EPB41L4A: variants seen among roughly 807,000 people sequenced by gnomAD.
EPB41L4A encodes erythrocyte membrane protein band 4.1 like 4A, also known as band 4.1-like protein 4A.
Under a neutral mutation model 108.6 loss-of-function variants are expected in EPB41L4A, and 100 were observed. The observed-to-expected ratio is 0.92, with a 90% CI of 0.78 to 1.09. The LOEUF (loss-of-function observed/expected upper bound fraction) is 1.09. Ranked by LOEUF, EPB41L4A falls within the 50% of genes least tolerant of loss-of-function variation. The probability of loss-of-function intolerance (pLI) is 0.00; values close to 1 mark genes in which losing one functional copy is unlikely to be tolerated. For synonymous variants in EPB41L4A, 319 were observed against 289.0 expected (o/e 1.10, Z -1.05); for missense variants, 1,030 against 842.7 (o/e 1.22, Z -2.75).
At chr5:112,254,658 T>C (rs1750940471) in intron 9 of EPB41L4A, among the ~76,000 whole-genome samples, 1 of 151,860 alleles carries the variant, frequency 6.6e-6, no homozygotes, top group Non-Finnish European at 1.5e-5. Flanking sequence ...CTACCCCACA[T>C]CTCCAGAGGG....
chr5:112,400,139 G>A (rs1761643140), intron 1 of EPB41L4A, among the ~76,000 whole-genome samples: 1 of 152,148 alleles, frequency 6.6e-6, no homozygotes, highest in Admixed American at 6.5e-5. Flanking sequence ...CATGGCCGAA[G>A]GTGAAGGAGA....
At chr5:112,359,027 C>T (rs1758543056) in intron 1 of EPB41L4A, among the ~76,000 whole-genome samples, 2 of 152,088 alleles carry the variant, frequency 1.3e-5, no homozygotes, top group Admixed American at 1.3e-4. Flanking sequence ...AGTAATTTAC[C>T]TCTGGGTAGG....
chr5:112,333,432 G>A (rs146771778), intron 1 of EPB41L4A, among the ~76,000 whole-genome samples: 12 of 152,336 alleles, frequency 7.9e-5, no homozygotes, highest in African/African-American at 2.9e-4. Flanking sequence ...GAAGGATAAT[G>A]ACTGTGACAC....
chr5:112,280,324 C>T lies in EPB41L4A; in HGVS notation c.205-1G>A. On this transcript the variant is annotated splice_acceptor_variant, in intron 2 of 22. Transcript: ENST00000261486. LOFTEE classifies it high-confidence loss of function. ...GGGTTTTTGCAGGATCCAGCCAATA[C>T]TGTGTGAGGAAGAAAAGGACAATTA... 12 of 1,613,638 alleles carry T rather than the reference C, an allele frequency of 7.4e-6. No homozygotes were observed. The highest frequency in any genetic ancestry group is 1.0e-5 in the Non-Finnish European group (12 of 1,179,570).
At chr5:112,170,535 G>A (rs770416513) in intron 19 of EPB41L4A, among the ~76,000 whole-genome samples, 166 bp from the exon 20 acceptor site, 1 of 152,098 alleles carries the variant, frequency 6.6e-6, no homozygotes, top group Admixed American at 6.5e-5. Context: ...AAAATAGGAG[G>A]GGTAAAACCT....
At chr5:112,150,179 C>T (rs529773308) in intron 12 of EPB41L4A, among the ~76,000 whole-genome samples, 39 of 152,130 alleles carry the variant, frequency 2.6e-4, no homozygotes, top group Admixed American at 2.6e-3. Context: ...GTCAGTGATA[C>T]TCCAAGTACT....
At chr5:112,286,866 G>GAA (rs35486822) in intron 2 of EPB41L4A, among the ~76,000 whole-genome samples, 1 of 142,848 alleles carries the variant, frequency 7.0e-6, no homozygotes, top group Non-Finnish European at 1.5e-5. Flanking sequence ...CTCTGGATGA[G>GAA]AAAAAAAAAA....
intron 1 of EPB41L4A, among the ~76,000 whole-genome samples, chr5:112,346,215 C>CCTTTTTTTT (rs1479210695): frequency 6.1e-5 from 3 of 49,042 alleles, no homozygotes; most frequent in Admixed American, 3.2e-4. Context: ...AGGTACATTG[C>CCTTTTTTTT]ATTTTTTTTT....
At chr5:112,290,982 C>T (rs1179651325) in intron 2 of EPB41L4A, among the ~76,000 whole-genome samples, 1 of 152,136 alleles carries the variant, frequency 6.6e-6, no homozygotes, top group African/African-American at 2.4e-5. Context: ...CCCTAAATGA[C>T]CTTATTTGGT....
chr5:112,282,870 A>C (rs1753057656), intron 2 of EPB41L4A, among the ~76,000 whole-genome samples: 1 of 152,096 alleles, frequency 6.6e-6, no homozygotes, highest in Non-Finnish European at 1.5e-5. Flanking sequence ...ATCCCAAAAG[A>C]CAACCTTTGT....
At position 112,164,944 on chromosome 5, in the gene EPB41L4A, T is replaced by A; in HGVS notation, c.*46A>T. 1.3e-6 allele frequency: 2 copies of A among 1,524,922 alleles called. No homozygotes were observed. The highest frequency in any genetic ancestry group is 1.8e-6 in the Non-Finnish European group (2 of 1,139,816). 94.5% of individuals were successfully genotyped at this position (1,524,922 alleles called of 1,614,324 possible). A position where few individuals can be genotyped will look rare whatever the true frequency, so the allele number is the denominator to read the frequency against. On this transcript the variant is annotated 3_prime_UTR_variant, in exon 23 of 23. Coordinates refer to ENST00000261486, the MANE Select transcript of EPB41L4A (RefSeq NM_022140.5). ...TATTTCACAGTTTCAAAAGTACCAGTGGCGCACACAACCTTCCCACCCCTA... is the reference window on the plus strand; with the variant it reads ...TATTTCACAGTTTCAAAAGTACCAGAGGCGCACACAACCTTCCCACCCCTA...
chr5:112,177,952 G>A (rs1760953542), intron 18 of EPB41L4A, among the ~76,000 whole-genome samples: 1 of 151,714 alleles, frequency 6.6e-6, no homozygotes, highest in African/African-American at 2.4e-5. Context: ...GAACAAGATG[G>A]TAGATTTATA....
intron 4 of EPB41L4A, 194 bp downstream of exon 4, chr5:112,275,132 T>G: frequency 1.7e-6 from 1 of 583,682 alleles, no homozygotes; most frequent in East Asian, 4.1e-5. Flanking sequence ...TTCACGCCAT[T>G]TTCAAACACA....
intron 1 of EPB41L4A, among the ~76,000 whole-genome samples, chr5:112,314,178 G>C (rs78010263): frequency 0.013 from 2,050 of 151,864 alleles, 43 homozygotes; most frequent in African/African-American, 0.047. Flanking sequence ...TTTCTAATCT[G>C]AATTATTCCT....
chr5:112,255,857 G>C (rs1228858116), intron 9 of EPB41L4A, among the ~76,000 whole-genome samples: 1 of 152,026 alleles, frequency 6.6e-6, no homozygotes, highest in African/African-American at 2.4e-5. Flanking sequence ...AATTCAACAT[G>C]TTCAAAACGG....
At chr5:112,199,193 C>A (rs943380017) in intron 15 of EPB41L4A, among the ~76,000 whole-genome samples, 3 of 152,192 alleles carry the variant, frequency 2.0e-5, no homozygotes, top group Non-Finnish European at 2.9e-5. Context: ...TAGTCTCATG[C>A]CTGGGAGATA....
At chr5:112,400,924 T>C (rs1761708232) in intron 1 of EPB41L4A, among the ~76,000 whole-genome samples, 1 of 152,210 alleles carries the variant, frequency 6.6e-6, no homozygotes, top group South Asian at 2.1e-4. Context: ...ACTGGCTCCC[T>C]ATTCCTTCTG....
intron 4 of EPB41L4A, among the ~76,000 whole-genome samples, chr5:112,266,649 G>T (rs994503407): frequency 2.0e-5 from 3 of 152,110 alleles, no homozygotes; most frequent in Admixed American, 1.3e-4. Context: ...TGCAAAACTG[G>T]AACAGTTGAC....
rs907217575 is a variant in EPB41L4A at position 112,329,088 on chromosome 5, C to T, written c.100-21598G>A. On this transcript the variant is annotated intron_variant, in intron 1 of 22. Transcript: ENST00000261486. ...TACGGTAGCCACTAGCCATGTGTGG[C>T]TGCTAAGTCCTTGAAATGCAGCTGG... Among the ~76,000 whole-genome samples, 3 of 152,190 alleles carry T rather than the reference C, an allele frequency of 2.0e-5. No homozygotes were observed. The East Asian group carries it at 5.8e-4, about 29-fold the overall frequency.
Sources: gnomAD v4.1 joint callset for allele counts (sites outside exome capture counted in the v4.1 genomes callset) on GRCh38, gnomAD v4.1.1 for gene constraint, MANE v1.5 for transcripts, NCBI Gene and HGNC (gene_info 2026-07-23, HGNC 2026-07-21) for gene names.